BBX: variants seen among roughly 807,000 people sequenced by gnomAD.
BBX encodes BBX high mobility group box domain containing.
A neutral mutation model predicts 100.2 loss-of-function variants in BBX; 30 were observed. The observed-to-expected ratio is 0.30, with a 90% CI of 0.22 to 0.41. The LOEUF (loss-of-function observed/expected upper bound fraction) is 0.41. Among genes scored for constraint, BBX ranks in the 10% least tolerant of loss-of-function variants. The pLI is 1.00. For synonymous variants in BBX, 376 were observed against 388.1 expected (o/e 0.97, Z 0.37); for missense variants, 1,023 against 1,129.8 (o/e 0.91, Z 1.35).
chr3:107,670,510 G>A (rs576808136), intron 3 of BBX, among the ~76,000 whole-genome samples: 1 of 152,098 alleles, frequency 6.6e-6, no homozygotes, highest in South Asian at 2.1e-4. Context: ...TACATCGTAT[G>A]TATTGAAATA....
intron 3 of BBX, among the ~76,000 whole-genome samples, chr3:107,664,265 G>C (rs1028899900): frequency 7.9e-5 from 12 of 152,118 alleles, no homozygotes; most frequent in African/African-American, 2.9e-4. Flanking sequence ...TGCCCAACCT[G>C]AAATTCCACA....
At chr3:107,696,757 T>TG (rs2108138670) in intron 3 of BBX, among the ~76,000 whole-genome samples, 1 of 151,544 alleles carries the variant, frequency 6.6e-6, no homozygotes, top group East Asian at 1.9e-4. Flanking sequence ...CTTGCTAGAT[T>TG]GGGGAAGTTC....
intron 4 of BBX, chr3:107,716,400 C>T: frequency 1.7e-6 from 1 of 584,384 alleles, no homozygotes. Context: ...GCACAGGTTG[C>T]TATAGAAACT....
At chr3:107,762,951 T>C (rs898467512) in intron 10 of BBX, among the ~76,000 whole-genome samples, 1 of 152,174 alleles carries the variant, frequency 6.6e-6, no homozygotes, top group African/African-American at 2.4e-5. Flanking sequence ...TTTTTGATAG[T>C]TCAGTGTACA....
rs182007215 is a variant in BBX at position 107,675,607 on chromosome 3, A to G, written c.-10+29698A>G. 8.5e-5 allele frequency among the ~76,000 whole-genome samples: 13 copies of G among 152,252 alleles called. No individual in the cohort carries two copies. In the East Asian group the frequency reaches 2.1e-3, roughly 25 times the overall value. On this transcript the variant is annotated intron_variant, in intron 3 of 17. Transcript: ENST00000325805. ...GATACACTTAGGCAGCAGTTCCCTC[A>G]TGGACCTTTTAGATCAAAAATGAAA...
intron 3 of BBX, among the ~76,000 whole-genome samples, chr3:107,668,891 C>G (rs1243767155): frequency 1.3e-5 from 2 of 152,142 alleles, no homozygotes; most frequent in Non-Finnish European, 2.9e-5. Context: ...TTGACAAAAT[C>G]ATGATGGGAC....
intron 3 of BBX, among the ~76,000 whole-genome samples, chr3:107,696,669 G>A (rs9683090): frequency 0.99 from 150,178 of 151,758 alleles, 74,375 homozygotes; most frequent in Middle Eastern, 1. Context: ...TCTGACAGTT[G>A]TGTATCTTGG....
chr3:107,792,842 C>T (rs1309047439), intron 15 of BBX, among the ~76,000 whole-genome samples: 1 of 152,078 alleles, frequency 6.6e-6, no homozygotes, highest in Non-Finnish European at 1.5e-5. Context: ...AAAATGTTTA[C>T]TCTTTACTTA....
chr3:107,587,755 G>C (rs562503080), intron 2 of BBX, among the ~76,000 whole-genome samples: 1 of 152,260 alleles, frequency 6.6e-6, no homozygotes, highest in African/African-American at 2.4e-5. Context: ...CAGGCTCGAG[G>C]CTCTTTTAGG....
intron 3 of BBX, among the ~76,000 whole-genome samples, chr3:107,705,912 T>A (rs551582628): frequency 3.9e-5 from 6 of 152,246 alleles, no homozygotes; most frequent in African/African-American, 1.4e-4. Flanking sequence ...TTTCTTCTTC[T>A]TTTAATAAAT....
At chr3:107,695,069 A>G (rs1421882951) in intron 3 of BBX, among the ~76,000 whole-genome samples, 2 of 143,244 alleles carry the variant, frequency 1.4e-5, no homozygotes, top group Non-Finnish European at 3.0e-5. Context: ...TATTGTGTCT[A>G]TTTGATTCTT....
chr3:107,607,333 G>A lies in BBX; in HGVS notation c.-83-38503G>A, dbSNP rs143254799. On this transcript the variant is annotated intron_variant, in intron 2 of 17. Transcript: ENST00000325805. ...TGACCTCAGGTGATCCACCCGCCTC[G>A]GCCTCCCAAAGTGCTGGGATTACAG... Among the ~76,000 whole-genome samples the A allele has an allele frequency of 2.6e-4, 40 of 152,102 alleles. No homozygotes were observed. The East Asian group carries it at 7.3e-3, about 28-fold the overall frequency.
chr3:107,771,372 A>G (rs1346160599), intron 10 of BBX, among the ~76,000 whole-genome samples: 3 of 150,334 alleles, frequency 2.0e-5, no homozygotes, highest in Non-Finnish European at 1.5e-5. Context: ...GAAAATGGCA[A>G]CTTTCCCCTT....
chr3:107,674,709 A>G (rs2059194716), intron 3 of BBX: 1 of 152,644 alleles, frequency 6.6e-6, no homozygotes, highest in African/African-American at 2.4e-5. Context: ...AAGACATCTA[A>G]AGAGACTTTC....
chr3:107,576,846 A>G (rs2051817123), intron 2 of BBX, among the ~76,000 whole-genome samples: 1 of 151,992 alleles, frequency 6.6e-6, no homozygotes, highest in South Asian at 2.1e-4. Context: ...TTAAATTGCA[A>G]GAAGATATTT....
At chr3:107,664,330 C>A (rs1448049098) in intron 3 of BBX, among the ~76,000 whole-genome samples, 1 of 152,152 alleles carries the variant, frequency 6.6e-6, no homozygotes, top group Non-Finnish European at 1.5e-5. Flanking sequence ...CTCCCACTAA[C>A]AGAATGTAAG....
intron 2 of BBX, among the ~76,000 whole-genome samples, chr3:107,528,526 GTA>G (rs2047934102): frequency 6.6e-6 from 1 of 152,018 alleles, no homozygotes. Flanking sequence ...TTTGTTCAAG[GTA>G]TATGAGTTTT....
chr3:107,600,521 T>C (rs946290939), intron 2 of BBX, among the ~76,000 whole-genome samples: 4 of 152,232 alleles, frequency 2.6e-5, no homozygotes, highest in African/African-American at 7.2e-5. Flanking sequence ...TTAAATTGTT[T>C]AAGTTAATTT....
Position 107,695,750 on chromosome 3 carries a change from T to G in BBX, c.-9-14702T>G, listed in dbSNP as rs1391478378. ...AGCTGAGTTCAATTCCTGGGTATCC[T>G]TGTTGACTTTCTGTCTTGTTGATCT... On this transcript the variant is annotated intron_variant, in intron 3 of 17. Transcript: ENST00000325805. Among the ~76,000 whole-genome samples the G allele has an allele frequency of 2.0e-5, 3 of 151,346 alleles. No individual in the cohort carries two copies. In the East Asian group the frequency reaches 5.8e-4, roughly 29 times the overall value.
Sources: gnomAD v4.1 joint callset for allele counts (sites outside exome capture counted in the v4.1 genomes callset) on GRCh38, gnomAD v4.1.1 for gene constraint, MANE v1.5 for transcripts, NCBI Gene and HGNC (gene_info 2026-07-23, HGNC 2026-07-21) for gene names.